Variants in PSME4 observed in about 807,000 individuals in gnomAD.
PSME4 encodes proteasome activator complex subunit 4.
A neutral mutation model predicts 253.9 loss-of-function variants in PSME4; 89 were observed. The ratio of observed to expected loss-of-function variants is 0.35; its 90% CI spans 0.30 to 0.42. The LOEUF is 0.42. PSME4 is among the 10% of genes least tolerant of loss of function. The pLI is 1.00. For synonymous variants in PSME4, 851 were observed against 759.2 expected (o/e 1.12, Z -1.99); for missense variants, 2,014 against 2,195.2 (o/e 0.92, Z 1.65).
chr2:53,963,425 A>G (rs993853211), intron 1 of PSME4, among the ~76,000 whole-genome samples: 10 of 152,310 alleles, frequency 6.6e-5, no homozygotes, highest in African/African-American at 2.2e-4. Flanking sequence ...ACCAGTGCCC[A>G]GCCCACGCAT....
At chr2:53,924,824 A>G (rs1668487996) in intron 14 of PSME4, among the ~76,000 whole-genome samples, 1 of 152,172 alleles carries the variant, frequency 6.6e-6, no homozygotes, top group Admixed American at 6.5e-5. Context: ...ATTTGCTGTG[A>G]CCACTGAACT....
intron 11 of PSME4, among the ~76,000 whole-genome samples, chr2:53,927,851 G>A (rs1253057880): frequency 6.6e-6 from 1 of 152,124 alleles, no homozygotes; most frequent in Non-Finnish European, 1.5e-5. Flanking sequence ...AGAGGCTGAG[G>A]CAGGAGAATT....
chr2:53,893,296 T>C (rs1679993833), intron 35 of PSME4, among the ~76,000 whole-genome samples: 1 of 152,158 alleles, frequency 6.6e-6, no homozygotes, highest in African/African-American at 2.4e-5. Flanking sequence ...CAGTCATCCC[T>C]AGGTGTATGT....
intron 26 of PSME4, among the ~76,000 whole-genome samples, chr2:53,905,800 G>C (rs1490294715): frequency 6.6e-6 from 1 of 152,166 alleles, no homozygotes; most frequent in African/African-American, 2.4e-5. Flanking sequence ...CTGGGTAACA[G>C]AGAGAGACCT....
intron 3 of PSME4, among the ~76,000 whole-genome samples, chr2:53,941,359 G>A (rs1208142969): frequency 6.6e-6 from 1 of 150,706 alleles, no homozygotes; most frequent in East Asian, 1.9e-4. Context: ...GATCATGAGA[G>A]GGAGGTTCTT....
intron 20 of PSME4, among the ~76,000 whole-genome samples, chr2:53,911,689 G>T (rs1388609208): frequency 2.0e-5 from 3 of 151,852 alleles, no homozygotes; most frequent in Non-Finnish European, 4.4e-5. Flanking sequence ...GTTTTCTGAA[G>T]TAGAAATATA....
intron 3 of PSME4, among the ~76,000 whole-genome samples, chr2:53,941,295 C>T (rs1398286928): frequency 6.8e-6 from 1 of 147,908 alleles, no homozygotes; most frequent in African/African-American, 2.5e-5. Flanking sequence ...GAGATGACTT[C>T]TAAAATAAAA....
chr2:53,887,971 T>A lies in PSME4; in HGVS notation c.4407A>T (p.Gln1469His), dbSNP rs1161327313. The change falls in exon 39 of 47, where the codon CAA becomes CAT. Residue 1469 changes from glutamine to histidine, a missense_variant. By Grantham distance (24) the Gln-to-His change is conservative. Coordinates refer to ENST00000404125, the MANE Select transcript of PSME4 (RefSeq NM_014614.3). ...FVDACRLYVL[Q>H]GGLAQQEWRV... ...TCCATTCTTGCTGGGCAAGGCCACC[T>A]TGTAGTACATAAAGTCGACTAAAAT... 6.2e-7 allele frequency: 1 copy of A among 1,611,764 alleles called. No individual in the cohort carries two copies. The highest frequency in any genetic ancestry group is 1.7e-5 in the Admixed American group (1 of 59,534).
intron 30 of PSME4, 26 bp downstream of exon 30, chr2:53,898,275 G>A (rs1218296771): frequency 1.3e-6 from 2 of 1,586,996 alleles, no homozygotes; most frequent in Admixed American, 3.5e-5. Flanking sequence ...AATGCTGTGA[G>A]AATTACAAAA....
rs184465473 is a variant in PSME4, at chr2:53,898,482, C to T, written c.3423-128G>A. 1.7e-4 allele frequency: 114 copies of T among 662,912 alleles called. 1 individual carries two copies. The highest frequency in any genetic ancestry group is 1.3e-3 in the Middle Eastern group (3 of 2,316). The allele number at this position is 662,912 out of a possible 1,614,324, so 41.1% of individuals were successfully genotyped here. ...TTACTTCCCACCACCTGACTGTAAA[C>T]GGCCTGATGAGAAGCAAGCCAGAAT... On this transcript the variant is annotated intron_variant, in intron 29 of 46. Coordinates refer to ENST00000404125, the MANE Select transcript of PSME4 (RefSeq NM_014614.3).
chr2:53,928,628 A>G (rs1668680915), intron 10 of PSME4, among the ~76,000 whole-genome samples: 1 of 152,162 alleles, frequency 6.6e-6, no homozygotes, highest in Non-Finnish European at 1.5e-5. Context: ...ACTGTGCCTA[A>G]TTCATGAATT....
intron 3 of PSME4, among the ~76,000 whole-genome samples, chr2:53,946,265 G>T (rs917727602): frequency 7.9e-5 from 12 of 152,130 alleles, no homozygotes; most frequent in African/African-American, 1.7e-4. Flanking sequence ...TGAAGAACAG[G>T]GTATCACTGA....
At position 53,896,759 on chromosome 2, in the gene PSME4, G is replaced by C. The variant is rs369713633; in HGVS notation, c.3688+45C>G. On this transcript the variant is annotated intron_variant, in intron 32 of 46. Transcript: ENST00000404125. ...TTTATACATGTCAAGAAAATTTTCTGAGTTTTATTGGAAAGCACTATTAAT... is the reference window on the plus strand; with the variant it reads ...TTTATACATGTCAAGAAAATTTTCTCAGTTTTATTGGAAAGCACTATTAAT... The C allele has an allele frequency of 1.4e-5, 20 of 1,462,426 alleles. No homozygotes were observed. In the African/African-American group the frequency reaches 2.5e-4, roughly 19 times the overall value. The allele number at this position is 1,462,426 out of a possible 1,614,324, so 90.6% of individuals were successfully genotyped here. A position where few individuals can be genotyped will look rare whatever the true frequency, so the allele number is the denominator to read the frequency against.
chr2:53,876,294 A>AT (rs980504901), intron 41 of PSME4, among the ~76,000 whole-genome samples: 2 of 151,414 alleles, frequency 1.3e-5, no homozygotes, highest in African/African-American at 2.4e-5. Context: ...CTTGCTCTGT[A>AT]TTTTTTTTCC....
chr2:53,963,982 T>G (rs1164473427), intron 1 of PSME4, among the ~76,000 whole-genome samples: 1 of 152,180 alleles, frequency 6.6e-6, no homozygotes, highest in Non-Finnish European at 1.5e-5. Flanking sequence ...ATGAGGTTCA[T>G]TATATTGTCT....
chr2:53,885,586 A>G (rs1679598800), intron 41 of PSME4, 104 bp downstream of exon 41: 2 of 735,674 alleles, frequency 2.7e-6, no homozygotes, highest in East Asian at 2.8e-5. Context: ...CAGAGATCCA[A>G]TCAAAATTCA....
In PSME4 at chr2:53,931,910, C is replaced by G; in HGVS notation, c.1241G>C (p.Ser414Thr). Residue 414 changes from serine (S) to threonine (T), a missense_variant, in exon 10 of 47, where the codon AGT (serine) becomes ACT (threonine). By Grantham distance (58) the Ser-to-Thr change is moderately conservative. Coordinates refer to ENST00000404125, the MANE Select transcript of PSME4 (RefSeq NM_014614.3). ...VLLAMFSKTG[S>T]LEAAQALQNL... ...CTGCAAAGCCTGGGCTGCTTCTAGACTACCGGTTTTGCTAAACATAGCCAA... is the reference window on the plus strand; with the variant it reads ...CTGCAAAGCCTGGGCTGCTTCTAGAGTACCGGTTTTGCTAAACATAGCCAA... 1.9e-6 allele frequency: 3 copies of G among 1,614,180 alleles called. No homozygotes were observed. Among genetic ancestry groups the G allele is most frequent in the Non-Finnish European group, 2.5e-6 (3 of 1,180,020 alleles).
chr2:53,887,611 C>CCTTATAATT, intron 39 of PSME4, 144 bp from the exon 40 acceptor site: 1 of 905,736 alleles, frequency 1.1e-6, no homozygotes, highest in East Asian at 2.6e-5. Flanking sequence ...GTAAAAGAAG[C>CCTTATAATT]CTTATAATTA....
chr2:53,970,949 GC>G lies in PSME4; in HGVS notation c.-166del. ...CCTTCCCTGGCCGGCGTGCTGCTGG[GC>G]CCCACGCGGCTCTCAGTTCGTTGGC... On this transcript the variant is annotated 5_prime_UTR_variant, in exon 1 of 47. Transcript: ENST00000404125. 1 of 535,176 alleles carries G rather than the reference GC, an allele frequency of 1.9e-6. No homozygotes were observed. Among genetic ancestry groups the G allele is most frequent in the Non-Finnish European group, 3.1e-6 (1 of 325,502 alleles). The allele number at this position is 535,176 out of a possible 1,614,324, so 33.2% of individuals were successfully genotyped here. A position where few individuals can be genotyped will look rare whatever the true frequency, so the allele number is the denominator to read the frequency against.
Sources: gnomAD v4.1 joint callset for allele counts (sites outside exome capture counted in the v4.1 genomes callset) on GRCh38, gnomAD v4.1.1 for gene constraint, MANE v1.5 for transcripts, NCBI Gene and HGNC (gene_info 2026-07-23, HGNC 2026-07-21) for gene names.